The following CDH4 variants were observed in gnomAD, a reference collection of about 807,000 sequenced individuals.
CDH4 encodes cadherin-4.
A neutral mutation model predicts 86.0 loss-of-function variants in CDH4; 33 were observed. The observed-to-expected ratio is 0.38, with a 90% confidence interval of 0.29 to 0.51. The LOEUF (loss-of-function observed/expected upper bound fraction) is 0.51. CDH4 is among the 20% of genes least tolerant of loss of function. The pLI, the probability that CDH4 is intolerant of heterozygous loss-of-function variation, is 0.86. For missense variants in CDH4, 1,114 were observed against 1,307.4 expected (o/e 0.85, Z 2.28); for synonymous variants, 555 against 549.4 (o/e 1.01, Z -0.14).
Position 61,844,729 on chromosome 20 carries a change from A to C in CDH4, c.638A>C (p.Asp213Ala), listed in dbSNP as rs2146101852. The change falls in exon 5 of 16, where the codon GAC becomes GCC. Residue 213 changes from aspartate to alanine, a missense_variant. Physicochemically the swap from Asp to Ala is moderately radical, Grantham distance 126 (BLOSUM62 -2). Around this residue, in one of 3 missense-constraint regions of CDH4, gnomAD observed 705 missense variants for 914.1 expected, o/e 0.77. Coordinates refer to ENST00000614565, the MANE Select transcript of CDH4 (RefSeq NM_001794.5). ...TACAGCATCACGGGAGTGGGCGCCG[A>C]CCAGCCCCCCATGGAGGTCTTCAGC... ...IRYSITGVGA[D>A]QPPMEVFSID... The C allele has an allele frequency of 1.2e-6, 2 of 1,613,986 alleles. No homozygotes were observed. The highest frequency in any genetic ancestry group is 1.7e-6 in the Non-Finnish European group (2 of 1,179,946).
intron 2 of CDH4, among the ~76,000 whole-genome samples, chr20:61,687,369 G>A (rs893470035): frequency 2.0e-5 from 3 of 152,306 alleles, no homozygotes; most frequent in Non-Finnish European, 4.4e-5. Context: ...TCTGTACTCG[G>A]AGGCAGCGCT....
intron 2 of CDH4, among the ~76,000 whole-genome samples, chr20:61,472,411 T>C (rs1339110653): frequency 1.3e-5 from 2 of 152,240 alleles, no homozygotes; most frequent in Admixed American, 6.5e-5. Context: ...CATTTTATTA[T>C]GTGCTTTATG....
chr20:61,798,894 G>A (rs933280236), intron 4 of CDH4, among the ~76,000 whole-genome samples: 5 of 152,220 alleles, frequency 3.3e-5, no homozygotes, highest in Admixed American at 2.0e-4. Flanking sequence ...GGCAGTCAGT[G>A]AGGATTAGTC....
chr20:61,839,932 C>A (rs1011778297), intron 4 of CDH4, among the ~76,000 whole-genome samples: 2 of 148,380 alleles, frequency 1.3e-5, no homozygotes, highest in Non-Finnish European at 3.0e-5. Flanking sequence ...GTGTACATGT[C>A]TGTATGTGCA....
At chr20:61,309,131 G>A (rs1395666893) in intron 2 of CDH4, among the ~76,000 whole-genome samples, 7 of 152,256 alleles carry the variant, frequency 4.6e-5, no homozygotes, top group South Asian at 2.1e-4. Context: ...TTCTGAGCGC[G>A]AGGCTGGCCC....
At chr20:61,562,250 G>GGA (rs10633942) in intron 2 of CDH4, among the ~76,000 whole-genome samples, 2,198 of 38,846 alleles carry the variant, frequency 0.057, 702 homozygotes, top group African/African-American at 0.31. Context: ...CAGGGCTCCC[G>GGA]GAGAGAGAGG....
intron 2 of CDH4, among the ~76,000 whole-genome samples, chr20:61,693,952 G>A (rs1279318987): frequency 1.4e-5 from 2 of 143,376 alleles, no homozygotes; most frequent in Non-Finnish European, 3.0e-5. Context: ...GAGTGCAGTG[G>A]TGCAAACTTG....
chr20:61,892,955 T>G (rs1233627918), intron 7 of CDH4, among the ~76,000 whole-genome samples: 1 of 119,008 alleles, frequency 8.4e-6, no homozygotes, highest in Non-Finnish European at 1.6e-5. Flanking sequence ...GATAAATGGA[T>G]GGGTGGGTGA....
rs976782053 is a variant in CDH4, at chr20:61,510,223, C to T, written c.170-233340C>T. On this transcript the variant is annotated intron_variant, in intron 2 of 15. Transcript: ENST00000614565. This position sits in a 1 kb window ranked among gnomAD's most constrained non-coding sequence, Gnocchi z 4.2. ...CATCTATGCGCTCAGCACTCCCGCT[C>T]GTGGAGCTCAGGAAAGGACACCCAT... is the stretch of plus-strand genomic sequence containing the variant. 1.3e-5 allele frequency among the ~76,000 whole-genome samples: 2 copies of T among 152,164 alleles called. No homozygotes were observed. Among genetic ancestry groups the T allele is most frequent in the African/African-American group, 2.4e-5 (1 of 41,436 alleles).
chr20:61,392,802 C>T lies in CDH4; in HGVS notation c.169+137865C>T, dbSNP rs1011965488. Among the ~76,000 whole-genome samples the T allele has an allele frequency of 4.6e-5, 7 of 152,266 alleles. No individual in the cohort carries two copies. Among genetic ancestry groups the T allele is most frequent in the African/African-American group, 1.7e-4 (7 of 41,542 alleles). ...TTTCCTAGCGGGGTAGAAACACTGGCCCCCCACGGTGCTCTAGAAATGTCA... is the reference window on the plus strand; with the variant it reads ...TTTCCTAGCGGGGTAGAAACACTGGTCCCCCACGGTGCTCTAGAAATGTCA... On this transcript the variant is annotated intron_variant, in intron 2 of 15. Transcript: ENST00000614565. This position sits in a 1 kb window ranked among gnomAD's most constrained non-coding sequence, Gnocchi z 5.7.
chr20:61,930,154 G>T (rs754751820), intron 13 of CDH4, among the ~76,000 whole-genome samples: 6 of 152,176 alleles, frequency 3.9e-5, no homozygotes, highest in African/African-American at 1.4e-4. Context: ...GACCTGTGAC[G>T]CCTGTGGGCA....
chr20:61,590,477 C>T (rs765538540), intron 2 of CDH4, among the ~76,000 whole-genome samples: 1 of 152,182 alleles, frequency 6.6e-6, no homozygotes, highest in African/African-American at 2.4e-5. Flanking sequence ...GCCCAGCACC[C>T]ATGGCTGACT....
chr20:61,788,509 C>T (rs1233473957), intron 4 of CDH4, among the ~76,000 whole-genome samples: 1 of 152,162 alleles, frequency 6.6e-6, no homozygotes, highest in East Asian at 1.9e-4. Flanking sequence ...GAGGTGGGGT[C>T]AGGAGGCCCC....
At position 61,708,269 on chromosome 20, in the gene CDH4, C is replaced by T. The variant is rs78393927; in HGVS notation, c.170-35294C>T. Among the ~76,000 whole-genome samples, 2,184 of 152,146 alleles carry T rather than the reference C, an allele frequency of 0.014. 39 individuals are homozygous for T. Among genetic ancestry groups the T allele is most frequent in the African/African-American group, 0.049 (2,034 of 41,496 alleles). Reference sequence around the variant, plus strand: ...GCCAGCAGGGGGTTGACTTTTACCCCGAACCAGATGTACCAAGCACCCCGC... The same window carrying T: ...GCCAGCAGGGGGTTGACTTTTACCCTGAACCAGATGTACCAAGCACCCCGC... On this transcript the variant is annotated intron_variant, in intron 2 of 15. Coordinates refer to ENST00000614565, the MANE Select transcript of CDH4 (RefSeq NM_001794.5). The surrounding 1 kb of genome is among the most constrained non-coding windows in gnomAD (Gnocchi z 4.5).
chr20:61,857,110 C>G (rs1232011231), intron 6 of CDH4, among the ~76,000 whole-genome samples: 1 of 152,242 alleles, frequency 6.6e-6, no homozygotes, highest in East Asian at 1.9e-4. Context: ...TCTCGTGGGT[C>G]TCACTGCCCT....
At chr20:61,701,014 C>T (rs980409206) in intron 2 of CDH4, among the ~76,000 whole-genome samples, 6 of 152,218 alleles carry the variant, frequency 3.9e-5, no homozygotes, top group African/African-American at 1.4e-4. Flanking sequence ...TCTCGCTGCT[C>T]TGGAGGATGG....
chr20:61,833,871 C>T (rs1427258397), intron 4 of CDH4, among the ~76,000 whole-genome samples: 1 of 152,230 alleles, frequency 6.6e-6, no homozygotes, highest in Non-Finnish European at 1.5e-5. Context: ...AACCATTTCC[C>T]AAAGTGAAGA....
At chr20:61,458,910 C>T (rs1190292610) in intron 2 of CDH4, among the ~76,000 whole-genome samples, 1 of 152,012 alleles carries the variant, frequency 6.6e-6, no homozygotes, top group Non-Finnish European at 1.5e-5. Context: ...TCAGCTCCTC[C>T]TGCTTCTCTT....
intron 2 of CDH4, among the ~76,000 whole-genome samples, chr20:61,353,603 A>C (rs867339304): frequency 1.9e-5 from 1 of 52,538 alleles, no homozygotes; most frequent in African/African-American, 7.8e-5. Flanking sequence ...GGTTAATTCC[A>C]CTTCCTCCTC....
Sources: gnomAD v4.1 joint callset for allele counts (sites outside exome capture counted in the v4.1 genomes callset) on GRCh38, gnomAD v4.1.1 for gene constraint, gnomAD v4.1.1 regional missense constraint, Gnocchi (gnomAD v3.1) non-coding constraint, MANE v1.5 for transcripts, NCBI Gene and HGNC (gene_info 2026-07-23, HGNC 2026-07-21) for gene names.